The following SPTB variants were observed in gnomAD, a reference collection of about 807,000 sequenced individuals.
The protein encoded by SPTB is spectrin beta chain, erythrocytic.
Under a neutral mutation model 256.2 loss-of-function variants are expected in SPTB, and 45 were observed. The observed-to-expected ratio is 0.18, with a 90% CI of 0.14 to 0.23. The LOEUF (loss-of-function observed/expected upper bound fraction) is 0.23, where lower values mean the gene tolerates loss of function less well. Among genes scored for constraint, SPTB ranks in the 10% least tolerant of loss-of-function variants. The pLI, the probability that SPTB is intolerant of heterozygous loss-of-function variation, is 1.00. For missense variants in SPTB, 2,715 were observed against 3,040.4 expected, an observed-to-expected ratio of 0.89 and a Z score of 2.52; for synonymous variants, 1,231 against 1,243.1, an observed-to-expected ratio of 0.99 and a Z score of 0.21.
At chr14:64,870,640 G>GC (rs1882475745) in intron 1 of SPTB, among the ~76,000 whole-genome samples, 2 of 152,150 alleles carry the variant, frequency 1.3e-5, no homozygotes, top group Non-Finnish European at 2.9e-5. Flanking sequence ...GTTCAGTTTG[G>GC]CCCCCAAAAT....
intron 1 of SPTB, among the ~76,000 whole-genome samples, chr14:64,833,317 G>A (rs907628927): frequency 6.6e-6 from 1 of 152,192 alleles, no homozygotes; most frequent in Non-Finnish European, 1.5e-5. Flanking sequence ...TTGGGAGTCC[G>A]AAGCGGGTGG....
chr14:64,822,823 A>C (rs2083317160), intron 2 of SPTB, 124 bp downstream of exon 2: 1 of 1,448,324 alleles, frequency 6.9e-7, no homozygotes, highest in African/African-American at 1.4e-5. Context: ...CCCGACAAAC[A>C]CGTCTCCATC....
rs138253722 is a variant in SPTB, at chr14:64,801,357, G to A, written c.691C>T (p.Arg231Trp). ...DFDKLKDSNA[R>W]HNLEHAFNVA... The stretch of plus-strand genomic sequence containing the variant: ...TTGAATGCGTGCTCCAGGTTGTGCC[G>A]GGCATTGGAGTCCTTCAGCTTATCA... The change falls in exon 7 of 36, where the codon CGG becomes TGG. Residue 231 changes from arginine to tryptophan, a missense_variant. By Grantham distance (101) the Arg-to-Trp change is moderately radical. This residue lies in a region of SPTB where 416 missense variants were observed against 571.1 expected (regional missense o/e 0.73). Coordinates refer to ENST00000644917, the MANE Select transcript of SPTB (RefSeq NM_001355436.2). 75 of 1,614,054 alleles carry A rather than the reference G, an allele frequency of 4.6e-5. No homozygotes were observed. Among genetic ancestry groups the A allele is most frequent in the Admixed American group, 2.7e-4 (16 of 60,012 alleles).
chr14:64,787,070 C>T lies in SPTB; in HGVS notation c.2895G>A (p.Glu965=). 1 of 1,613,588 alleles carries T rather than the reference C, an allele frequency of 6.2e-7. No homozygotes were observed. ...RVHNYCVDCE[E]TSKWITDKTK... ...TCTTGTCCGTGATCCACTTGCTGGT[C>T]TCCTCGCAATCTACGCAGTAGTTGT... The change falls in exon 16 of 36, where the codon GAG becomes GAA. Residue 965 remains glutamate (E), a synonymous_variant. Transcript: ENST00000644917.
chr14:64,830,427 G>A (rs1019612785), intron 1 of SPTB, among the ~76,000 whole-genome samples: 53 of 150,938 alleles, frequency 3.5e-4, no homozygotes, highest in African/African-American at 1.2e-3. Flanking sequence ...TGCTCATGCT[G>A]GAGTGCAGTG....
intron 1 of SPTB, among the ~76,000 whole-genome samples, chr14:64,862,807 G>A (rs1174000890): frequency 1.3e-5 from 2 of 151,840 alleles, no homozygotes; most frequent in African/African-American, 2.4e-5. Flanking sequence ...TGCAGGAGGC[G>A]GAGGTTGCAG....
intron 1 of SPTB, among the ~76,000 whole-genome samples, chr14:64,859,344 G>A (rs2083921512): frequency 6.6e-6 from 1 of 152,224 alleles, no homozygotes. Flanking sequence ...TTTGAATGAG[G>A]TAAGTCTATA....
intron 15 of SPTB, among the ~76,000 whole-genome samples, 146 bp downstream of exon 15, chr14:64,791,565 CAAAAAAAA>C (rs563905446): frequency 3.5e-4 from 16 of 45,866 alleles, no homozygotes; most frequent in Non-Finnish European, 6.7e-4. Flanking sequence ...GGTTCTGTGT[CAAAAAAAA>C]AAAAAAAAAA....
chr14:64,876,804 A>G (rs922297489), intron 1 of SPTB, among the ~76,000 whole-genome samples: 1 of 152,166 alleles, frequency 6.6e-6, no homozygotes, highest in Non-Finnish European at 1.5e-5. Context: ...TCCTCTCATA[A>G]TCTCCTCCAA....
At chr14:64,831,040 A>T (rs776361418) in intron 1 of SPTB, among the ~76,000 whole-genome samples, 5 of 152,138 alleles carry the variant, frequency 3.3e-5, no homozygotes, top group Non-Finnish European at 7.4e-5. Flanking sequence ...ATCCAACCCC[A>T]TAGATCCCCC....
Position 64,796,821 on chromosome 14 carries a change from C to G in SPTB, c.1183-106G>C. 1 of 1,418,668 alleles carries G rather than the reference C, an allele frequency of 7.0e-7. No homozygotes were observed. 87.9% of individuals were successfully genotyped at this position (1,418,668 alleles called of 1,614,324 possible). A position where few individuals can be genotyped will look rare whatever the true frequency, so the allele number is the denominator to read the frequency against. On this transcript the variant is annotated intron_variant, in intron 10 of 35. Coordinates refer to ENST00000644917, the MANE Select transcript of SPTB (RefSeq NM_001355436.2). This position sits in a 1 kb window ranked among gnomAD's most constrained non-coding sequence, Gnocchi z 4.1. ...CTGAGTGATTTCTGGAATCAAGGTACAGCCTGATGCTCTTGGGTGACGTGG... is the reference window on the plus strand; with the variant it reads ...CTGAGTGATTTCTGGAATCAAGGTAGAGCCTGATGCTCTTGGGTGACGTGG...
intron 1 of SPTB, among the ~76,000 whole-genome samples, chr14:64,851,197 A>C (rs1378641537): frequency 6.6e-6 from 1 of 152,264 alleles, no homozygotes; most frequent in Non-Finnish European, 1.5e-5. Context: ...CCGCTAGTGG[A>C]AACGCAGTAC....
At position 64,806,940 on chromosome 14, in the gene SPTB, A is replaced by C. The variant is rs1223005278; in HGVS notation, c.149-1850T>G. Among the ~76,000 whole-genome samples the C allele has an allele frequency of 6.6e-6, 1 of 152,252 alleles. No homozygotes were observed. Among genetic ancestry groups the C allele is most frequent in the Non-Finnish European group, 1.5e-5 (1 of 68,044 alleles). On this transcript the variant is annotated intron_variant, in intron 2 of 35. Transcript: ENST00000644917. The surrounding 1 kb of genome is among the most constrained non-coding windows in gnomAD (Gnocchi z 4.1). ...ATTCTGGGCCTCTGTGCAAAGTTTCAGCGAGAAAACTCCCCTTACCCTTTT... is the reference window on the plus strand; with the variant it reads ...ATTCTGGGCCTCTGTGCAAAGTTTCCGCGAGAAAACTCCCCTTACCCTTTT...
chr14:64,816,601 T>C lies in SPTB; in HGVS notation c.148+6346A>G, dbSNP rs996741735. ...ATGCACATAGACACGTGTGGGATTATTTGATCTACCTCTGTCTCACTAGAC... is the reference window on the plus strand; with the variant it reads ...ATGCACATAGACACGTGTGGGATTACTTGATCTACCTCTGTCTCACTAGAC... On this transcript the variant is annotated intron_variant, in intron 2 of 35. Transcript: ENST00000644917. The surrounding 1 kb of genome is among the most constrained non-coding windows in gnomAD (Gnocchi z 4.2). Among the ~76,000 whole-genome samples, 1 of 152,210 alleles carries C rather than the reference T, an allele frequency of 6.6e-6. No individual in the cohort carries two copies. The highest frequency in any genetic ancestry group is 1.5e-5 in the Non-Finnish European group (1 of 68,048).
Position 64,792,645 on chromosome 14 carries a change from C to T in SPTB, c.2666+352G>A, listed in dbSNP as rs1319684711. Among the ~76,000 whole-genome samples, 1 of 152,214 alleles carries T rather than the reference C, an allele frequency of 6.6e-6. No individual in the cohort carries two copies. Among genetic ancestry groups the T allele is most frequent in the East Asian group, 1.9e-4 (1 of 5,200 alleles). On this transcript the variant is annotated intron_variant, in intron 14 of 35. Transcript: ENST00000644917. This position sits in a 1 kb window ranked among gnomAD's most constrained non-coding sequence, Gnocchi z 4.2. ...CACAGAAAGCTAGAGCTGGCAGGGTCCTGGCCTCTCAACCTCCTTCTCCAG... is the reference window on the plus strand; with the variant it reads ...CACAGAAAGCTAGAGCTGGCAGGGTTCTGGCCTCTCAACCTCCTTCTCCAG...
At chr14:64,754,654 C>T (rs2081997151) in intron 32 of SPTB, 1 of 152,560 alleles carries the variant, frequency 6.6e-6, no homozygotes, top group African/African-American at 2.4e-5. Flanking sequence ...CCCTGCACCT[C>T]CCTGTGGAGA....
Position 64,792,848 on chromosome 14 carries a change from G to T in SPTB, c.2666+149C>A. The T allele has an allele frequency of 5.6e-6, 6 of 1,074,506 alleles. No individual in the cohort carries two copies. The highest frequency in any genetic ancestry group is 1.5e-5 in the South Asian group (1 of 67,930). 66.6% of individuals were successfully genotyped at this position (1,074,506 alleles called of 1,614,324 possible). On this transcript the variant is annotated intron_variant, in intron 14 of 35. Coordinates refer to ENST00000644917, the MANE Select transcript of SPTB (RefSeq NM_001355436.2). The surrounding 1 kb of genome is among the most constrained non-coding windows in gnomAD (Gnocchi z 4.2). ...GCCACAGAGCCAGAATAGAACTTAT[G>T]ACTCCTAATGCCAGGACTTTGCAAC...
At chr14:64,878,081 A>G (rs570455040) in intron 1 of SPTB, among the ~76,000 whole-genome samples, 2 of 152,326 alleles carry the variant, frequency 1.3e-5, no homozygotes, top group East Asian at 3.9e-4. Context: ...CCAGAACTCA[A>G]GATCAATAGG....
intron 8 of SPTB, 79 bp from the exon 9 acceptor site, chr14:64,800,013 G>A (rs1594790431): frequency 1.3e-6 from 2 of 1,561,498 alleles, no homozygotes; most frequent in East Asian, 2.2e-5. Context: ...CCACAATCAA[G>A]GTGCCACGAA....
Sources: gnomAD v4.1 joint callset for allele counts (sites outside exome capture counted in the v4.1 genomes callset) on GRCh38, gnomAD v4.1.1 for gene constraint, gnomAD v4.1.1 regional missense constraint, Gnocchi (gnomAD v3.1) non-coding constraint, MANE v1.5 for transcripts, NCBI Gene and HGNC (gene_info 2026-07-23, HGNC 2026-07-21) for gene names.